COL5A3: variants seen among roughly 807,000 people sequenced by gnomAD.
COL5A3 encodes the protein collagen type V alpha 3 chain, also known as collagen alpha-3(V) chain.
Under a neutral mutation model 250.0 loss-of-function variants are expected in COL5A3, and 172 were observed. The observed-to-expected ratio is 0.69, with a 90% CI of 0.61 to 0.78. COL5A3 has a LOEUF of 0.78. COL5A3 is among the 30% of genes least tolerant of loss of function. The pLI is 0.00. For synonymous variants in COL5A3, 937 were observed against 900.4 expected (o/e 1.04, Z -0.73); for missense variants, 2,340 against 2,334.4 (o/e 1.00, Z -0.05).
Position 10,006,191 on chromosome 19 carries a change from G to T in COL5A3, c.129C>A (p.Gly43=), listed in dbSNP as rs939917957. The T allele has an allele frequency of 6.2e-6, 10 of 1,606,188 alleles. No individual in the cohort carries two copies. Among genetic ancestry groups the T allele is most frequent in the Non-Finnish European group, 8.5e-6 (10 of 1,176,746 alleles). ...CAGGCCCCTCGGGGACCCCAGCCTG[G>T]CCTCCCTGCACACCCAGGGCCTTCA... is the stretch of plus-strand genomic sequence containing the variant. The part of the protein sequence containing the change: ...DVLKALGVQG[G]QAGVPEGPGF... Residue 43 remains glycine (G), a synonymous_variant, in exon 2 of 67, where the codon GGC becomes GGA. Coordinates refer to ENST00000264828, the MANE Select transcript of COL5A3 (RefSeq NM_015719.4).
intron 1 of COL5A3, among the ~76,000 whole-genome samples, 154 bp from the exon 2 acceptor site, chr19:10,006,385 G>C (rs2087444341): frequency 6.6e-6 from 1 of 152,002 alleles, no homozygotes; most frequent in African/African-American, 2.4e-5. Context: ...GAGCCGGCCT[G>C]GGCCCCCAGC....
chr19:9,992,140 G>C (rs1032900287), intron 21 of COL5A3, 92 bp from the exon 22 acceptor site: 7 of 1,132,836 alleles, frequency 6.2e-6, no homozygotes, highest in Non-Finnish European at 9.2e-6. Flanking sequence ...AAGGTGAGCA[G>C]GGCCGGGCAC....
chr19:9,986,770 A>G lies in COL5A3; in HGVS notation c.2146-12T>C. The G allele has an allele frequency of 1.2e-6, 2 of 1,611,724 alleles. No homozygotes were observed. The highest frequency in any genetic ancestry group is 1.7e-6 in the Non-Finnish European group (2 of 1,178,768). ...TTGCCTGAAGTGCCCTGGAAAATAAAAAAAAAAAGCTCTCAAGCCTCTTCC... is the reference window on the plus strand; with the variant it reads ...TTGCCTGAAGTGCCCTGGAAAATAAGAAAAAAAAGCTCTCAAGCCTCTTCC... On this transcript the variant is annotated splice_polypyrimidine_tract_variant and intron_variant, in intron 27 of 66. Transcript: ENST00000264828.
intron 64 of COL5A3, among the ~76,000 whole-genome samples, chr19:9,963,573 C>T (rs940631242): frequency 1.4e-4 from 3 of 21,216 alleles, no homozygotes; most frequent in Admixed American, 5.8e-4. Flanking sequence ...GGGGGGGGGG[C>T]GGGTGGAGGG....
intron 1 of COL5A3, among the ~76,000 whole-genome samples, chr19:10,007,577 C>G (rs1473767907): frequency 6.6e-6 from 1 of 152,224 alleles, no homozygotes; most frequent in African/African-American, 2.4e-5. Context: ...TCCCCCAACC[C>G]TCAGCAAACT....
rs751999757 is a variant in COL5A3, at chr19:9,970,648, C to T, written c.3910G>A (p.Gly1304Ser). The change falls in exon 54 of 67, where the codon GGC becomes AGC. Residue 1304 changes from glycine to serine, a missense_variant. This residue lies in a region of COL5A3 where 1,179 missense variants were observed against 1,162.6 expected (regional missense o/e 1.01). Transcript: ENST00000264828. Reference protein sequence around the residue: ...PGPPGASGEPGAPGPPGKRGP... With the variant: ...PGPPGASGEPSAPGPPGKRGP... ...CTCTTGCCGGGGGGCCCGGGGGCGC[C>T]GGGCTCCCCAGAAGCTCCAGGCGGA... 43 of 1,452,352 alleles carry T rather than the reference C, an allele frequency of 3.0e-5. No homozygotes were observed. The highest frequency in any genetic ancestry group is 3.8e-5 in the Non-Finnish European group (42 of 1,103,890). The allele number at this position is 1,452,352 out of a possible 1,614,324, so 90.0% of individuals were successfully genotyped here.
rs1176899479 is a variant in COL5A3, at chr19:9,966,569, C to T, written c.4636G>A (p.Glu1546Lys). Residue 1546 changes from glutamate to lysine, a missense_variant, in exon 63 of 67, where the codon GAG becomes AAG. Transcript: ENST00000264828. Reference protein sequence around the residue: ...TAERPGLVCHELHRNHPHLPD... With the variant: ...TAERPGLVCHKLHRNHPHLPD... ...AGGTGCGGGTGGTTGCGGTGCAGCT[C>T]GTGGCACACGAGGCCCGGGCGCTCC... The T allele has an allele frequency of 6.5e-7, 1 of 1,543,056 alleles. No homozygotes were observed. The highest frequency in any genetic ancestry group is 8.7e-7 in the Non-Finnish European group (1 of 1,147,518).
In COL5A3 at chr19:9,996,610, C is replaced by A. The variant is rs1568427598; in HGVS notation, c.1338+5G>T. On this transcript the variant is annotated splice_donor_5th_base_variant and intron_variant, in intron 12 of 66. Coordinates refer to ENST00000264828, the MANE Select transcript of COL5A3 (RefSeq NM_015719.4). Reference sequence around the variant, plus strand: ...CAAGGCTGGGCCACTCCATCTCCTTCTTACCGGCATCATGATCACAGTGCC... The same window carrying A: ...CAAGGCTGGGCCACTCCATCTCCTTATTACCGGCATCATGATCACAGTGCC... 1 of 1,613,866 alleles carries A rather than the reference C, an allele frequency of 6.2e-7. No homozygotes were observed. The highest frequency in any genetic ancestry group is 8.5e-7 in the Non-Finnish European group (1 of 1,179,962).
At position 9,982,580 on chromosome 19, in the gene COL5A3, G is replaced by C. The variant is rs376025615; in HGVS notation, c.2407-462C>G. ...TTCCCCCACTGTGACATAGCTCATT[G>C]GTCTTATTCCCCACTGCCTGGCACA... On this transcript the variant is annotated intron_variant, in intron 31 of 66. Transcript: ENST00000264828. Among the ~76,000 whole-genome samples the C allele has an allele frequency of 2.8e-3, 424 of 152,204 alleles. 3 individuals carry two copies. The highest frequency in any genetic ancestry group is 0.02 in the Middle Eastern group (6 of 294).
chr19:9,960,133 G>T lies in COL5A3; in HGVS notation c.*278C>A. ...GAAGCTCATTGCATGGGGGTTCAAGGGGTGGGGAGGTGAGGCTTGGGTGGG... is the reference window on the plus strand; with the variant it reads ...GAAGCTCATTGCATGGGGGTTCAAGTGGTGGGGAGGTGAGGCTTGGGTGGG... On this transcript the variant is annotated 3_prime_UTR_variant, in exon 67 of 67. Coordinates refer to ENST00000264828, the MANE Select transcript of COL5A3 (RefSeq NM_015719.4). The T allele has an allele frequency of 2.0e-6, 1 of 492,432 alleles. No homozygotes were observed. The highest frequency in any genetic ancestry group is 3.7e-6 in the Non-Finnish European group (1 of 271,242). 30.5% of individuals were successfully genotyped at this position (492,432 alleles called of 1,614,324 possible). A position where few individuals can be genotyped will look rare whatever the true frequency, so the allele number is the denominator to read the frequency against.
At chr19:9,981,201 A>T in intron 32 of COL5A3, 69 bp from the exon 33 acceptor site, 1 of 1,431,054 alleles carries the variant, frequency 7.0e-7, no homozygotes, top group East Asian at 2.3e-5. Context: ...AAACACAAAA[A>T]GACACCCAGT....
At position 9,977,454 on chromosome 19, in the gene COL5A3, C is replaced by G; in HGVS notation, c.3145G>C (p.Gly1049Arg). ...GGGATCCCATCTTTGCCAGTGGGGC[C>G]AGGGGGGCCACGTTCTCCCTGTTGT... ...KGSRGERGPP[G>R]PTGKDGIPGP... is the part of the protein sequence containing the mutation. Residue 1049 changes from glycine to arginine, a missense_variant, in exon 43 of 67, where the codon GGC becomes CGC. Transcript: ENST00000264828. 6.6e-7 allele frequency: 1 copy of G among 1,520,030 alleles called. No individual in the cohort carries two copies. Among genetic ancestry groups the G allele is most frequent in the South Asian group, 1.3e-5 (1 of 75,392 alleles). 94.2% of individuals were successfully genotyped at this position (1,520,030 alleles called of 1,614,324 possible). A position where few individuals can be genotyped will look rare whatever the true frequency, so the allele number is the denominator to read the frequency against.
intron 30 of COL5A3, 29 bp downstream of exon 30, chr19:9,986,286 G>T: frequency 1.4e-6 from 2 of 1,399,200 alleles, no homozygotes; most frequent in Non-Finnish European, 1.9e-6. Context: ...CCTTGACTGT[G>T]GGAGGCTAGA....
At chr19:9,981,921 C>A in intron 32 of COL5A3, 144 bp downstream of exon 32, 1 of 698,758 alleles carries the variant, frequency 1.4e-6, no homozygotes, top group Non-Finnish European at 2.6e-6. Flanking sequence ...ATGTGTCATG[C>A]ATTGCATATA....
chr19:9,978,798 C>T, intron 40 of COL5A3, 93 bp downstream of exon 40: 1 of 1,056,018 alleles, frequency 9.5e-7, no homozygotes. Context: ...TCATCATTTC[C>T]CGCACCCCAA....
chr19:9,978,857 A>G, intron 40 of COL5A3, 34 bp downstream of exon 40: 1 of 1,362,430 alleles, frequency 7.3e-7, no homozygotes, highest in East Asian at 2.6e-5. Flanking sequence ...TCCTTCTCTA[A>G]GGGACATGCA....
intron 45 of COL5A3, 148 bp downstream of exon 45, chr19:9,976,410 A>T: frequency 1.7e-6 from 1 of 583,868 alleles, no homozygotes; most frequent in Admixed American, 3.9e-5. Context: ...CGATTCTTGG[A>T]TTGAGTTCAC....
intron 16 of COL5A3, among the ~76,000 whole-genome samples, chr19:9,994,264 C>T (rs1040911644): frequency 4.0e-5 from 6 of 149,678 alleles, no homozygotes; most frequent in African/African-American, 7.4e-5. Flanking sequence ...AATGCAGCTT[C>T]GAATTCCTGG....
In COL5A3 at chr19:9,967,337, G is replaced by A. The variant is rs2086764540; in HGVS notation, c.4458+10C>T. On this transcript the variant is annotated intron_variant, in intron 62 of 66. Coordinates refer to ENST00000264828, the MANE Select transcript of COL5A3 (RefSeq NM_015719.4). Reference sequence around the variant, plus strand: ...TTGGTGTCCATTCCCCCGCCCCCCGGGGAACTCACCGGGGGGCCTGGTGGG... The same window carrying A: ...TTGGTGTCCATTCCCCCGCCCCCCGAGGAACTCACCGGGGGGCCTGGTGGG... 1 of 1,427,618 alleles carries A rather than the reference G, an allele frequency of 7.0e-7. No homozygotes were observed. The highest frequency in any genetic ancestry group is 3.6e-5 in the Admixed American group (1 of 27,666). The allele number at this position is 1,427,618 out of a possible 1,614,324, so 88.4% of individuals were successfully genotyped here. A position where few individuals can be genotyped will look rare whatever the true frequency, so the allele number is the denominator to read the frequency against.
Sources: gnomAD v4.1 joint callset for allele counts (sites outside exome capture counted in the v4.1 genomes callset) on GRCh38, gnomAD v4.1.1 for gene constraint, gnomAD v4.1.1 regional missense constraint, MANE v1.5 for transcripts, NCBI Gene and HGNC (gene_info 2026-07-23, HGNC 2026-07-21) for gene names.